The following NTRK3 variants were observed in gnomAD, a reference collection of about 807,000 sequenced individuals.
The protein encoded by NTRK3 is neurotrophic receptor tyrosine kinase 3, also known as NT-3 growth factor receptor.
A neutral mutation model predicts 91.7 loss-of-function variants in NTRK3; 24 were observed. That is an observed-to-expected ratio of 0.26 (90% CI 0.19 to 0.37). The LOEUF (loss-of-function observed/expected upper bound fraction) is 0.37. Among genes scored for constraint, NTRK3 ranks in the 10% least tolerant of loss-of-function variants. NTRK3 has a pLI of 1.00. For synonymous variants in NTRK3, 483 were observed against 404.0 expected (o/e 1.20, Z -2.34); for missense variants, 880 against 1,068.9 (o/e 0.82, Z 2.46).
chr15:88,184,327 C>A, intron 3 of NTRK3, 28 bp from the exon 4 acceptor site: 1 of 1,608,800 alleles, frequency 6.2e-7, no homozygotes, highest in South Asian at 1.1e-5. Context: ...AGGTAACGGT[C>A]AGCCAGAAGC....
intron 5 of NTRK3, among the ~76,000 whole-genome samples, chr15:88,177,098 G>A (rs765553481): frequency 4.6e-5 from 7 of 152,156 alleles, no homozygotes; most frequent in Admixed American, 2.0e-4. Flanking sequence ...TTAAGGGACT[G>A]AAAAGGCTTG....
chr15:87,958,642 C>G (rs1172626427), intron 14 of NTRK3, among the ~76,000 whole-genome samples: 1 of 151,964 alleles, frequency 6.6e-6, no homozygotes. Flanking sequence ...TAAATCGTGT[C>G]CACTCAACAC....
intron 1 of NTRK3, 32 bp from the exon 2 acceptor site, chr15:88,256,518 CAAA>C (rs561718241): frequency 3.8e-4 from 160 of 424,172 alleles, no homozygotes; most frequent in South Asian, 1.4e-3. Context: ...GGTGGGGAGG[CAAA>C]AAAAAAAAAG....
At chr15:87,965,457 G>T (rs2072699795) in intron 14 of NTRK3, among the ~76,000 whole-genome samples, 3 of 152,174 alleles carry the variant, frequency 2.0e-5, no homozygotes. Flanking sequence ...GAAAGCTGCA[G>T]ATCCCCAGTA....
At chr15:88,150,591 C>A (rs1419980294) in intron 5 of NTRK3, among the ~76,000 whole-genome samples, 2 of 151,978 alleles carry the variant, frequency 1.3e-5, no homozygotes, top group African/African-American at 4.8e-5. Flanking sequence ...ATGGCTGAAG[C>A]ACTCATGTGA....
In NTRK3 at chr15:87,880,135, C is replaced by T. The variant is rs138065833; in HGVS notation, c.2292+135G>A. Reference sequence around the variant, plus strand: ...TTTTTTCCTACTAAGAAGCTCTCTGCTCCCACTAATGCCTGCATTCACTCT... The same window carrying T: ...TTTTTTCCTACTAAGAAGCTCTCTGTTCCCACTAATGCCTGCATTCACTCT... On this transcript the variant is annotated intron_variant, in intron 18 of 18. Coordinates refer to ENST00000394480, the Ensembl canonical transcript of NTRK3. 3.5e-4 allele frequency: 385 copies of T among 1,092,618 alleles called. No individual in the cohort carries two copies. The African/African-American group carries it at 5.1e-3, about 15-fold the overall frequency. 67.7% of individuals were successfully genotyped at this position (1,092,618 alleles called of 1,614,324 possible).
At chr15:88,115,675 G>T (rs1051651561) in intron 13 of NTRK3, among the ~76,000 whole-genome samples, 10 of 152,200 alleles carry the variant, frequency 6.6e-5, no homozygotes, top group Admixed American at 2.0e-4. Flanking sequence ...AACTGCTCTG[G>T]TCTTCTGCCA....
chr15:88,248,695 T>C (rs1322602787), intron 3 of NTRK3, among the ~76,000 whole-genome samples: 2 of 152,172 alleles, frequency 1.3e-5, no homozygotes, highest in African/African-American at 4.8e-5. Context: ...AGTTTCCCCA[T>C]CTGGAAAATG....
chr15:87,977,067 T>A (rs1300881557), intron 14 of NTRK3, among the ~76,000 whole-genome samples: 3 of 152,220 alleles, frequency 2.0e-5, no homozygotes, highest in African/African-American at 7.2e-5. Flanking sequence ...CAGATTTGAA[T>A]CTTGCTTTCA....
intron 5 of NTRK3, among the ~76,000 whole-genome samples, chr15:88,149,311 G>C (rs903951256): frequency 6.6e-6 from 1 of 152,302 alleles, no homozygotes; most frequent in Non-Finnish European, 1.5e-5. Context: ...CCTCATGCTG[G>C]GGGTGCAGGG....
intron 16 of NTRK3, among the ~76,000 whole-genome samples, chr15:87,931,515 C>T (rs918633051): frequency 5.3e-5 from 8 of 152,182 alleles, no homozygotes; most frequent in Non-Finnish European, 1.0e-4. Flanking sequence ...TATTAATAGT[C>T]GTGTTTTCTA....
intron 13 of NTRK3, among the ~76,000 whole-genome samples, chr15:88,075,561 A>G (rs1224889727): frequency 6.7e-6 from 1 of 149,548 alleles, no homozygotes; most frequent in Non-Finnish European, 1.5e-5. Context: ...TTCCCTTCTT[A>G]TAAGTCTCCA....
intron 3 of NTRK3, among the ~76,000 whole-genome samples, chr15:88,222,695 G>C (rs1323503181): frequency 2.0e-5 from 3 of 152,112 alleles, no homozygotes; most frequent in Admixed American, 2.0e-4. Flanking sequence ...CCACTTTCCT[G>C]GCACTTTGAG....
chr15:88,207,262 A>G (rs1316005631), intron 3 of NTRK3, among the ~76,000 whole-genome samples: 1 of 152,144 alleles, frequency 6.6e-6, no homozygotes, highest in Non-Finnish European at 1.5e-5. Context: ...CCAGGATGGC[A>G]CTGCGGGGAT....
intron 17 of NTRK3, among the ~76,000 whole-genome samples, chr15:87,890,171 G>C (rs1463733571): frequency 1.3e-5 from 2 of 151,916 alleles, no homozygotes; most frequent in East Asian, 1.9e-4. Context: ...GGTGCTGTTT[G>C]CTTCCTTCTG....
intron 13 of NTRK3, among the ~76,000 whole-genome samples, chr15:88,054,115 C>T (rs1177005329): frequency 6.6e-6 from 1 of 152,164 alleles, no homozygotes; most frequent in East Asian, 1.9e-4. Context: ...AGAGGCCGTT[C>T]TGGGCAAAAA....
chr15:88,102,915 T>G lies in NTRK3; in HGVS notation c.1396+23356A>C, dbSNP rs971240566. Among the ~76,000 whole-genome samples the G allele has an allele frequency of 8.5e-5, 13 of 152,196 alleles. 1 individual carries two copies. The highest frequency in any genetic ancestry group is 2.7e-4 in the African/African-American group (11 of 41,454). ...TCCAGTCAGAGTTGATGAAGGCGTTTTGATGGTCCCTGCCATATGACTCAC... is the reference window on the plus strand; with the variant it reads ...TCCAGTCAGAGTTGATGAAGGCGTTGTGATGGTCCCTGCCATATGACTCAC... On this transcript the variant is annotated intron_variant, in intron 13 of 18. Coordinates refer to ENST00000394480, the Ensembl canonical transcript of NTRK3.
chr15:88,135,395 G>T lies in NTRK3; in HGVS notation c.910C>A (p.Pro304Thr), dbSNP rs751051788. 2.5e-6 allele frequency: 4 copies of T among 1,613,420 alleles called. No individual in the cohort carries two copies. The Admixed American group carries it at 6.7e-5, about 27-fold the overall frequency. The change falls in exon 10 of 19, where the codon CCC becomes ACC. Residue 304 changes from proline to threonine, a missense_variant and splice_region_variant. Physicochemically the swap from Pro to Thr is conservative, Grantham distance 38. Transcript: ENST00000394480. ...TCCTCCAGGCTCACCACACGTGGGG[G>T]ATCTGTCAAGGGAGAAGCCTGCTGA...
intron 17 of NTRK3, among the ~76,000 whole-genome samples, chr15:87,899,682 A>C (rs2066335902): frequency 6.6e-6 from 1 of 152,222 alleles, no homozygotes; most frequent in African/African-American, 2.4e-5. Flanking sequence ...TAATTTCTTC[A>C]GTAAACAATA....
Sources: allele counts gnomAD v4.1 joint callset (sites outside exome capture counted in the v4.1 genomes callset), GRCh38; gene constraint gnomAD v4.1.1; transcripts MANE v1.5; gene names NCBI Gene and HGNC (gene_info 2026-07-23, HGNC 2026-07-21).